Variants in USH2A observed in about 807,000 individuals in gnomAD.
The protein encoded by USH2A is Usher syndrome 2A (autosomal recessive, mild).
A neutral mutation model predicts 538.9 loss-of-function variants in USH2A; 443 were observed. That is an observed-to-expected ratio of 0.82 (90% CI 0.76 to 0.89). The LOEUF is 0.89. USH2A is among the 40% of genes least tolerant of loss of function. The pLI, the probability that USH2A is intolerant of heterozygous loss-of-function variation, is 0.00. For synonymous variants in USH2A, 2,413 were observed against 2,273.5 expected (o/e 1.06, Z -1.75); for missense variants, 6,633 against 6,324.8 (o/e 1.05, Z -1.65).
At chr1:216,128,926 C>T (rs1048535604) in intron 21 of USH2A, among the ~76,000 whole-genome samples, 1 of 152,002 alleles carries the variant, frequency 6.6e-6, no homozygotes, top group Non-Finnish European at 1.5e-5. Context: ...CTTCCCCAGG[C>T]TCTGATAACT....
At chr1:216,181,952 A>G (rs2034501886) in intron 20 of USH2A, among the ~76,000 whole-genome samples, 1 of 152,102 alleles carries the variant, frequency 6.6e-6, no homozygotes, top group Admixed American at 6.6e-5. Context: ...CTGGCTTCTC[A>G]GAAAGTAGCG....
intron 38 of USH2A, among the ~76,000 whole-genome samples, chr1:215,912,479 A>ATATATATATATG (rs1665821721): frequency 3.1e-5 from 1 of 31,768 alleles, no homozygotes; most frequent in African/African-American, 1.6e-4. Context: ...ATATATACGT[A>ATATATATATATG]TATATATATA....
chr1:215,862,313 G>A (rs1350693356), intron 44 of USH2A, among the ~76,000 whole-genome samples: 1 of 151,700 alleles, frequency 6.6e-6, no homozygotes, highest in Non-Finnish European at 1.5e-5. Context: ...CTATAGCAAG[G>A]ACAAAAAACC....
intron 18 of USH2A, 80 bp from the exon 19 acceptor site, chr1:216,196,802 A>T (rs2034857632): frequency 6.8e-7 from 1 of 1,475,592 alleles, no homozygotes; most frequent in Admixed American, 1.9e-5. Flanking sequence ...TCACACATTC[A>T]TTTAGTTTCT....
chr1:215,919,322 T>C (rs1247090269), intron 38 of USH2A, among the ~76,000 whole-genome samples: 1 of 152,108 alleles, frequency 6.6e-6, no homozygotes, highest in African/African-American at 2.4e-5. Flanking sequence ...GTGTACTGCA[T>C]CACGTTGTAT....
At chr1:216,238,797 G>A (rs538886964) in intron 13 of USH2A, among the ~76,000 whole-genome samples, 29 of 152,280 alleles carry the variant, frequency 1.9e-4, no homozygotes, top group African/African-American at 7.0e-4. Flanking sequence ...TGGGTCAGCA[G>A]TATTTGCAAT....
At chr1:215,773,620 T>A (rs190579439) in intron 55 of USH2A, among the ~76,000 whole-genome samples, 83 of 152,144 alleles carry the variant, frequency 5.5e-4, no homozygotes, top group Middle Eastern at 6.8e-3. Context: ...CCCACATGTG[T>A]CTGTGTCCTG....
chr1:216,416,253 A>G (rs1326692895), intron 3 of USH2A, among the ~76,000 whole-genome samples: 1 of 152,164 alleles, frequency 6.6e-6, no homozygotes, highest in Non-Finnish European at 1.5e-5. Flanking sequence ...GGAACCTTAT[A>G]TAGAGCTCCA....
intron 64 of USH2A, among the ~76,000 whole-genome samples, chr1:215,655,724 TC>T (rs1657224862): frequency 2.2e-5 from 3 of 139,264 alleles, no homozygotes; most frequent in East Asian, 4.5e-4. Flanking sequence ...TGCTAGTTAT[TC>T]TTTTTTTTTT....
chr1:215,892,786 G>C (rs1004910025), intron 40 of USH2A, among the ~76,000 whole-genome samples: 2 of 152,100 alleles, frequency 1.3e-5, no homozygotes, highest in Non-Finnish European at 2.9e-5. Flanking sequence ...AAAGGAAATG[G>C]GCTGTATAAC....
At chr1:216,118,956 T>C (rs976399393) in intron 21 of USH2A, among the ~76,000 whole-genome samples, 10 of 152,244 alleles carry the variant, frequency 6.6e-5, no homozygotes, top group African/African-American at 2.4e-4. Flanking sequence ...AGAAACTCTG[T>C]TATGGCAGCA....
intron 38 of USH2A, among the ~76,000 whole-genome samples, chr1:215,927,235 A>G (rs1164166560): frequency 6.6e-6 from 1 of 152,198 alleles, no homozygotes; most frequent in Non-Finnish European, 1.5e-5. Context: ...CAGGAAAAAT[A>G]ACTAAAAGAC....
chr1:216,419,114 G>C (rs1387933356), intron 2 of USH2A, among the ~76,000 whole-genome samples: 1 of 151,932 alleles, frequency 6.6e-6, no homozygotes, highest in Non-Finnish European at 1.5e-5. Flanking sequence ...TCCATGGAAG[G>C]CTCTAAATTG....
chr1:215,786,740 T>A lies in USH2A; in HGVS notation c.10317A>T (p.Ser3439=), dbSNP rs1374797619. The A allele has an allele frequency of 6.2e-7, 1 of 1,614,024 alleles. No individual in the cohort carries two copies. Among genetic ancestry groups the A allele is most frequent in the South Asian group, 1.1e-5 (1 of 91,084 alleles). Residue 3439 remains serine, a synonymous_variant, in exon 52 of 72, where the codon TCA becomes TCT. Coordinates refer to ENST00000307340, the MANE Select transcript of USH2A (RefSeq NM_206933.4). ...CGGCAGATGAACACATTTCTTCAATTGATGCCTTCCCTGTGGAATTGTGAG... is the reference window on the plus strand; with the variant it reads ...CGGCAGATGAACACATTTCTTCAATAGATGCCTTCCCTGTGGAATTGTGAG... ...RGSHNSTGKA[S]IEEMCSSAEE...
At chr1:216,351,671 T>C (rs1384966369) in intron 4 of USH2A, among the ~76,000 whole-genome samples, 1 of 148,684 alleles carries the variant, frequency 6.7e-6, no homozygotes, top group East Asian at 1.9e-4. Flanking sequence ...CAATTATGGC[T>C]GCTGTGTTGA....
chr1:215,776,842 G>A (rs1473624363), intron 55 of USH2A, among the ~76,000 whole-genome samples: 1 of 152,170 alleles, frequency 6.6e-6, no homozygotes, highest in Admixed American at 6.5e-5. Context: ...CTGGGCAAAT[G>A]AGTAACATTA....
At chr1:216,175,722 T>C (rs1218022908) in intron 20 of USH2A, among the ~76,000 whole-genome samples, 2 of 152,196 alleles carry the variant, frequency 1.3e-5, no homozygotes, top group African/African-American at 4.8e-5. Context: ...TTAAATTTTT[T>C]CTTGAAAATA....
intron 35 of USH2A, among the ~76,000 whole-genome samples, chr1:215,980,125 C>G (rs1358116450): frequency 6.6e-6 from 1 of 152,014 alleles, no homozygotes; most frequent in Non-Finnish European, 1.5e-5. Flanking sequence ...GGGGAGCATG[C>G]CAGGTAAGAA....
intron 64 of USH2A, among the ~76,000 whole-genome samples, chr1:215,653,525 T>C (rs2102647070): frequency 6.6e-6 from 1 of 152,272 alleles, no homozygotes; most frequent in Non-Finnish European, 1.5e-5. Context: ...GAAAACAGAA[T>C]GAAGAGAAAG....
Sources: allele counts gnomAD v4.1 joint callset (sites outside exome capture counted in the v4.1 genomes callset), GRCh38; gene constraint gnomAD v4.1.1; transcripts MANE v1.5; gene names NCBI Gene and HGNC (gene_info 2026-07-23, HGNC 2026-07-21).